Variants in HPN observed in about 807,000 individuals in gnomAD.
HPN encodes the protein hepsin.
A neutral mutation model predicts 55.9 loss-of-function variants in HPN; 13 were observed. That is an observed-to-expected ratio of 0.23 (90% CI 0.15 to 0.37). The LOEUF is 0.37. Among genes scored for constraint, HPN ranks in the 10% least tolerant of loss-of-function variants. HPN has a pLI of 1.00. For synonymous variants in HPN, 225 were observed against 240.3 expected, an observed-to-expected ratio of 0.94 and a Z score of 0.59; for missense variants, 451 against 575.8, an observed-to-expected ratio of 0.78 and a Z score of 2.22.
Position 35,066,387 on chromosome 19 carries a change from T to G in HPN, c.*100T>G. ...GGGACGTTTTTCTTCTTGGGCCCGGTCCACAGGTCCAAGGACACCCTCCCT... is the reference window on the plus strand; with the variant it reads ...GGGACGTTTTTCTTCTTGGGCCCGGGCCACAGGTCCAAGGACACCCTCCCT... On this transcript the variant is annotated 3_prime_UTR_variant, in exon 13 of 13. Coordinates refer to ENST00000672452, the MANE Select transcript of HPN (RefSeq NM_001384133.1). 3 of 1,469,040 alleles carry G rather than the reference T, an allele frequency of 2.0e-6. No individual in the cohort carries two copies. The highest frequency in any genetic ancestry group is 2.8e-6 in the Non-Finnish European group (3 of 1,087,132). 91.0% of individuals were successfully genotyped at this position (1,469,040 alleles called of 1,614,324 possible).
chr19:35,066,560 A>T lies in HPN; in HGVS notation c.*273A>T. Reference sequence around the variant, plus strand: ...ACGGGATGCTCTTTAAATAATAAAGATGGTTTTGATTAATGTGGCCTCCGA... The same window carrying T: ...ACGGGATGCTCTTTAAATAATAAAGTTGGTTTTGATTAATGTGGCCTCCGA... On this transcript the variant is annotated 3_prime_UTR_variant, in exon 13 of 13. Coordinates refer to ENST00000672452, the MANE Select transcript of HPN (RefSeq NM_001384133.1). The T allele has an allele frequency of 2.0e-6, 1 of 511,926 alleles. No individual in the cohort carries two copies. The highest frequency in any genetic ancestry group is 3.5e-6 in the Non-Finnish European group (1 of 288,262). 31.7% of individuals were successfully genotyped at this position (511,926 alleles called of 1,614,324 possible).
chr19:35,058,077 C>T lies in HPN; in HGVS notation c.161-1596C>T, dbSNP rs186548969. ...CTGAGGCAGAAGAATCGCTTGAACC[C>T]GGGAGGCAGAGGTTGCAGTGAGCTG... On this transcript the variant is annotated intron_variant, in intron 4 of 12. Coordinates refer to ENST00000672452, the MANE Select transcript of HPN (RefSeq NM_001384133.1). Among the ~76,000 whole-genome samples, 98 of 151,838 alleles carry T rather than the reference C, an allele frequency of 6.5e-4. 1 individual carries two copies. In the Middle Eastern group the frequency reaches 0.014, roughly 21 times the overall value.
chr19:35,063,288 C>T lies in HPN; in HGVS notation c.812-1962C>T, dbSNP rs79361403. On this transcript the variant is annotated intron_variant, in intron 9 of 12. Transcript: ENST00000672452. ...CTGGAATCTGTGCTTGTGGCCCCCA[C>T]GCTGTGGTGACGGAGAATCCAGGGC... 2.1e-3 allele frequency among the ~76,000 whole-genome samples: 324 copies of T among 152,360 alleles called. 1 individual carries two copies. Among genetic ancestry groups the T allele is most frequent in the African/African-American group, 7.3e-3 (302 of 41,572 alleles).
chr19:35,051,031 C>T (rs776245387), intron 4 of HPN, among the ~76,000 whole-genome samples: 23 of 149,234 alleles, frequency 1.5e-4, no homozygotes, highest in Non-Finnish European at 3.0e-4. Context: ...ATCCTCCCAT[C>T]TCAGCCTTCT....
At chr19:35,054,215 T>C (rs1688025) in intron 4 of HPN, among the ~76,000 whole-genome samples, 120,702 of 152,086 alleles carry the variant, frequency 0.79, 48,012 homozygotes, top group Admixed American at 0.86. Flanking sequence ...GCCAGAAGTT[T>C]GAGACCAGCC....
chr19:35,066,219 C>A (rs772904857), intron 12 of HPN, 30 bp from the exon 13 acceptor site: 3 of 1,614,034 alleles, frequency 1.9e-6, no homozygotes, highest in Non-Finnish European at 1.7e-6. Flanking sequence ...GCCTCTCAGA[C>A]CTCGGGAGCC....
Position 35,054,687 on chromosome 19 carries a change from C to T in HPN, c.161-4986C>T, listed in dbSNP as rs776842167. Among the ~76,000 whole-genome samples the T allele has an allele frequency of 4.6e-5, 7 of 152,244 alleles. No individual in the cohort carries two copies. The South Asian group carries it at 1.0e-3, about 23-fold the overall frequency. On this transcript the variant is annotated intron_variant, in intron 4 of 12. Transcript: ENST00000672452. ...TCCCTGCTTCTCGTGCATTTGGTGA[C>T]GTTGGGGAAGCCACCCCACCTCTCT... is the stretch of plus-strand genomic sequence containing the variant.
rs1406203286 is a variant in HPN at position 35,049,511 on chromosome 19, A to G, written c.155A>G (p.Tyr52Cys). ...CTCAGGAGTGACCAGGAGCCGCTGT[A>G]CCCAGGTGAGTGGAGCAGGCTGGGA... ...VLLRSDQEPLYPVQVSSADAR... is the reference protein window; with the variant it reads ...VLLRSDQEPLCPVQVSSADAR... Residue 52 changes from tyrosine (Y) to cysteine (C), a missense_variant, in exon 4 of 13, where the codon TAC (tyrosine) becomes TGC (cysteine). Physicochemically the swap from Tyr to Cys is radical, Grantham distance 194. Coordinates refer to ENST00000672452, the MANE Select transcript of HPN (RefSeq NM_001384133.1). 6.2e-7 allele frequency: 1 copy of G among 1,601,466 alleles called. No individual in the cohort carries two copies. Among genetic ancestry groups the G allele is most frequent in the Admixed American group, 1.7e-5 (1 of 57,716 alleles).
intron 4 of HPN, among the ~76,000 whole-genome samples, chr19:35,051,209 A>C (rs1043396758): frequency 6.6e-6 from 1 of 152,110 alleles, no homozygotes; most frequent in Non-Finnish European, 1.5e-5. Flanking sequence ...CCCAGGTTCA[A>C]GTGATTCTCC....
rs201747820 is a variant in HPN at position 35,066,333 on chromosome 19, G to A, written c.*46G>A. On this transcript the variant is annotated 3_prime_UTR_variant, in exon 13 of 13. Coordinates refer to ENST00000672452, the MANE Select transcript of HPN (RefSeq NM_001384133.1). ...AGCCTCCAGGGCCCGAGGTGATCCC[G>A]GTGGTGGGATCCACGCTGGGCCTAG... 4,336 of 1,588,890 alleles carry A rather than the reference G, an allele frequency of 2.7e-3. 12 individuals carry two copies. The highest frequency in any genetic ancestry group is 2.9e-3 in the Non-Finnish European group (3,400 of 1,168,940).
rs751632089 is a variant in HPN, at chr19:35,060,491, C to T, written c.599C>T (p.Thr200Ile). The change falls in exon 8 of 13, where the codon ACA (threonine) becomes ATA (isoleucine). Residue 200 changes from threonine (T) to isoleucine (I), a missense_variant. Around this residue, in one of 2 missense-constraint regions of HPN, gnomAD observed 378 missense variants for 445.5 expected, o/e 0.85. Transcript: ENST00000672452. The part of the protein sequence containing the change: ...GSLLSGDWVL[T>I]AAHCFPERNR... ...CTGCTCTCCGGGGACTGGGTGCTGA[C>T]AGCCGCCCACTGCTTCCCGGAGTGA... 6.2e-7 allele frequency: 1 copy of T among 1,613,056 alleles called. No homozygotes were observed. Among genetic ancestry groups the T allele is most frequent in the Non-Finnish European group, 8.5e-7 (1 of 1,179,882 alleles).
In HPN at chr19:35,066,349, C is replaced by T. The variant is rs961733580; in HGVS notation, c.*62C>T. ...GGTGATCCCGGTGGTGGGATCCACG[C>T]TGGGCCTAGGATGGGACGTTTTTCT... On this transcript the variant is annotated 3_prime_UTR_variant, in exon 13 of 13. Transcript: ENST00000672452. 5.1e-6 allele frequency: 8 copies of T among 1,571,946 alleles called. No individual in the cohort carries two copies. In the Admixed American group the frequency reaches 5.5e-5, roughly 11 times the overall value.
intron 2 of HPN, 88 bp downstream of exon 2, chr19:35,042,610 C>T (rs1050298298): frequency 1.7e-6 from 2 of 1,155,802 alleles, no homozygotes; most frequent in African/African-American, 3.1e-5. Flanking sequence ...TCTTCGGAGC[C>T]CCCTCTCTCT....
At chr19:35,049,867 T>G (rs2064385699) in intron 4 of HPN, among the ~76,000 whole-genome samples, 4 of 151,866 alleles carry the variant, frequency 2.6e-5, no homozygotes, top group Non-Finnish European at 5.9e-5. Context: ...GTTTGTTTTT[T>G]TTTTTTTTTG....
chr19:35,065,488 G>T (rs547757297), intron 10 of HPN, 51 bp from the exon 11 acceptor site: 361 of 1,600,896 alleles, frequency 2.3e-4, no homozygotes, highest in Non-Finnish European at 2.9e-4. Flanking sequence ...AGGAGGGAAG[G>T]GGGGTGTGTA....
At chr19:35,060,604 C>T (rs774503197) in intron 8 of HPN, 23 bp from the exon 9 acceptor site, 1 of 1,612,912 alleles carries the variant, frequency 6.2e-7, no homozygotes, top group South Asian at 1.1e-5. Flanking sequence ...CAGGTGGCCA[C>T]CCTCCACCCC....
chr19:35,063,378 G>A (rs2064559209), intron 9 of HPN, among the ~76,000 whole-genome samples: 1 of 152,274 alleles, frequency 6.6e-6, no homozygotes, highest in Non-Finnish European at 1.5e-5. Flanking sequence ...TGTGGTACTG[G>A]TTTCCCATTG....
intron 4 of HPN, among the ~76,000 whole-genome samples, chr19:35,057,454 AAATG>A (rs1443350462): frequency 2.6e-5 from 4 of 151,912 alleles, no homozygotes; most frequent in Non-Finnish European, 5.9e-5. Flanking sequence ...ATCAGATGGG[AAATG>A]AATTCCGATA....
In HPN at chr19:35,065,623, A is replaced by T; in HGVS notation, c.992A>T (p.Gln331Leu). Residue 331 changes from glutamine to leucine, a missense_variant, in exon 11 of 13, where the codon CAG becomes CTG. Physicochemically the swap from Gln to Leu is moderately radical, Grantham distance 113 (BLOSUM62 -2). Transcript: ENST00000672452. The stretch of plus-strand genomic sequence containing the variant: ...AATGGCGCTGACTTCTATGGAAACC[A>T]GATCAAGCCCAAGATGTTCTGTGCT... ...VCNGADFYGN[Q>L]IKPKMFCAGY... The T allele has an allele frequency of 6.2e-7, 1 of 1,614,190 alleles. No individual in the cohort carries two copies. Among genetic ancestry groups the T allele is most frequent in the Non-Finnish European group, 8.5e-7 (1 of 1,180,026 alleles).
Sources: gnomAD v4.1 joint callset for allele counts (sites outside exome capture counted in the v4.1 genomes callset) on GRCh38, gnomAD v4.1.1 for gene constraint, gnomAD v4.1.1 regional missense constraint, MANE v1.5 for transcripts, NCBI Gene and HGNC (gene_info 2026-07-23, HGNC 2026-07-21) for gene names.